Variants in DCC observed in about 807,000 individuals in gnomAD.
The protein encoded by DCC is netrin receptor DCC.
In DCC, 58 loss-of-function variants were observed where a neutral mutation model predicts 172.5. The observed-to-expected ratio is 0.34, with a 90% CI of 0.27 to 0.42. The LOEUF is 0.42. DCC is among the 10% of genes least tolerant of loss of function. The pLI is 1.00. For missense variants in DCC, 1,740 were observed against 1,791.0 expected, an observed-to-expected ratio of 0.97 and a Z score of 0.51; for synonymous variants, 709 against 644.5, an observed-to-expected ratio of 1.10 and a Z score of -1.52.
At chr18:53,477,579 C>A (rs1050618769) in intron 25 of DCC, among the ~76,000 whole-genome samples, 2 of 152,060 alleles carry the variant, frequency 1.3e-5, no homozygotes, top group Non-Finnish European at 1.5e-5. Flanking sequence ...AATCATTATT[C>A]CTATAAGATT....
At chr18:52,393,457 A>G (rs1986104303) in intron 1 of DCC, among the ~76,000 whole-genome samples, 1 of 152,062 alleles carries the variant, frequency 6.6e-6, no homozygotes, top group African/African-American at 2.4e-5. Context: ...CTAGCAATCC[A>G]TATTTTAATC....
Position 53,295,538 on chromosome 18 carries a change from T to C in DCC, c.1912-10040T>C, listed in dbSNP as rs371438899. On this transcript the variant is annotated intron_variant, in intron 12 of 28. Coordinates refer to ENST00000442544, the MANE Select transcript of DCC (RefSeq NM_005215.4). The stretch of plus-strand genomic sequence containing the variant: ...GATCTATAGAAATATTTACCAAGTA[T>C]TTAGATAGATACTGTAAGTTAAACA... Among the ~76,000 whole-genome samples, 7 of 137,886 alleles carry C rather than the reference T, an allele frequency of 5.1e-5. No homozygotes were observed. The East Asian group carries it at 1.4e-3, about 27-fold the overall frequency. The allele number at this position is 137,886 out of a possible 152,430, so 90.5% of individuals were successfully genotyped here. A position where few individuals can be genotyped will look rare whatever the true frequency, so the allele number is the denominator to read the frequency against.
chr18:52,488,236 T>TA (rs2030328209), intron 1 of DCC, among the ~76,000 whole-genome samples: 1 of 152,184 alleles, frequency 6.6e-6, no homozygotes, highest in South Asian at 2.1e-4. Flanking sequence ...TTTCTTAAAA[T>TA]GCTCCAATAG....
chr18:52,540,395 C>T (rs113926198), intron 1 of DCC, among the ~76,000 whole-genome samples: 6 of 151,974 alleles, frequency 3.9e-5, no homozygotes, highest in African/African-American at 1.5e-4. Context: ...TCACTGTACT[C>T]TAGCCCCAGT....
Position 52,826,064 on chromosome 18 carries a change from T to C in DCC, c.412+73690T>C, listed in dbSNP as rs544365515. On this transcript the variant is annotated intron_variant, in intron 2 of 28. Transcript: ENST00000442544. ...AGAGCACTTGAATAATAAAATGTGT[T>C]GGTTATAGCCCCATTTTTCTTCATG... Among the ~76,000 whole-genome samples the C allele has an allele frequency of 2.0e-5, 3 of 152,354 alleles. No individual in the cohort carries two copies. In the South Asian group the frequency reaches 6.2e-4, roughly 32 times the overall value.
intron 1 of DCC, among the ~76,000 whole-genome samples, chr18:52,367,389 C>A (rs1438185925): frequency 6.6e-6 from 1 of 152,218 alleles, no homozygotes; most frequent in Admixed American, 6.5e-5. Flanking sequence ...TCAAATGCCG[C>A]CAAAGTGGGA....
intron 1 of DCC, among the ~76,000 whole-genome samples, chr18:52,411,043 G>A (rs988498707): frequency 2.6e-5 from 4 of 152,064 alleles, no homozygotes; most frequent in South Asian, 2.1e-4. Context: ...AGTTTACTTC[G>A]GAATTCATAT....
intron 14 of DCC, among the ~76,000 whole-genome samples, chr18:53,324,412 G>A (rs2057444664): frequency 6.6e-6 from 1 of 152,090 alleles, no homozygotes; most frequent in South Asian, 2.1e-4. Context: ...ATACACCCAA[G>A]GAGTATAAGT....
chr18:52,434,169 T>C (rs941541429), intron 1 of DCC, among the ~76,000 whole-genome samples: 1 of 152,242 alleles, frequency 6.6e-6, no homozygotes, highest in African/African-American at 2.4e-5. Context: ...CTGTAATCCT[T>C]GGATTTACCT....
At chr18:52,956,641 T>C (rs1238290393) in intron 5 of DCC, among the ~76,000 whole-genome samples, 2 of 152,136 alleles carry the variant, frequency 1.3e-5, no homozygotes, top group Non-Finnish European at 2.9e-5. Context: ...AGTAACTTAC[T>C]GAAATTTTGA....
At chr18:52,927,178 T>TGTATATAC (rs1428264806) in intron 5 of DCC, among the ~76,000 whole-genome samples, 2 of 127,022 alleles carry the variant, frequency 1.6e-5, no homozygotes, top group African/African-American at 5.5e-5. Context: ...TGTATATATG[T>TGTATATAC]GTATATATAC....
At chr18:52,459,560 C>T (rs377615207) in intron 1 of DCC, among the ~76,000 whole-genome samples, 12 of 152,038 alleles carry the variant, frequency 7.9e-5, no homozygotes, top group South Asian at 4.2e-4. Flanking sequence ...CTCTGCCTCC[C>T]GGGTTCATGC....
chr18:53,242,181 C>T (rs1455969968), intron 12 of DCC, among the ~76,000 whole-genome samples: 1 of 152,128 alleles, frequency 6.6e-6, no homozygotes, highest in Non-Finnish European at 1.5e-5. Context: ...AGGGAAACTA[C>T]AGCAGCTGCA....
At position 53,525,338 on chromosome 18, in the gene DCC, C is replaced by T. The variant is rs186762059; in HGVS notation, c.4112-1279C>T. The stretch of plus-strand genomic sequence containing the variant: ...AATATTATTTCCACTCTGAAGAAAA[C>T]GATTCATGTTTCATTTCGCTTCTCA... On this transcript the variant is annotated intron_variant, in intron 27 of 28. Transcript: ENST00000442544. Among the ~76,000 whole-genome samples the T allele has an allele frequency of 2.0e-3, 309 of 152,094 alleles. 1 individual carries two copies. The highest frequency in any genetic ancestry group is 3.6e-3 in the Non-Finnish European group (246 of 67,964).
At position 53,416,340 on chromosome 18, in the gene DCC, AT is replaced by A. The variant is rs762777992; in HGVS notation, c.3163+185del. 4.3e-6 allele frequency: 3 copies of A among 701,402 alleles called. No homozygotes were observed. The South Asian group carries it at 4.5e-5, about 11-fold the overall frequency. 43.4% of individuals were successfully genotyped at this position (701,402 alleles called of 1,614,324 possible). A position where few individuals can be genotyped will look rare whatever the true frequency, so the allele number is the denominator to read the frequency against. On this transcript the variant is annotated intron_variant, in intron 21 of 28. Transcript: ENST00000442544. The stretch of plus-strand genomic sequence containing the variant: ...TGAGGCTGCGGCTCTGATAAGGAAG[AT>A]GTAAATTTTCTTGAGAGGAAATTGT...
intron 3 of DCC, among the ~76,000 whole-genome samples, chr18:52,916,669 T>C (rs1477685824): frequency 6.6e-6 from 1 of 152,142 alleles, no homozygotes; most frequent in Non-Finnish European, 1.5e-5. Context: ...GTGCTAGATT[T>C]CACATTACAA....
At chr18:53,105,300 C>T (rs1284952092) in intron 7 of DCC, among the ~76,000 whole-genome samples, 6 of 151,916 alleles carry the variant, frequency 3.9e-5, no homozygotes, top group Admixed American at 3.9e-4. Context: ...CTGAAAGTGG[C>T]AGACTACTCT....
intron 3 of DCC, among the ~76,000 whole-genome samples, chr18:52,914,370 A>G (rs879573196): frequency 4.6e-5 from 7 of 152,140 alleles, no homozygotes; most frequent in Non-Finnish European, 8.8e-5. Context: ...AAATAGCAAT[A>G]TGTATGTGTA....
Position 52,367,740 on chromosome 18 carries a change from G to C in DCC, c.91+26862G>C, listed in dbSNP as rs146016922. Among the ~76,000 whole-genome samples, 51 of 152,330 alleles carry C rather than the reference G, an allele frequency of 3.3e-4. 1 individual carries two copies. Among genetic ancestry groups the C allele is most frequent in the African/African-American group, 9.9e-4 (41 of 41,566 alleles). On this transcript the variant is annotated intron_variant, in intron 1 of 28. Coordinates refer to ENST00000442544, the MANE Select transcript of DCC (RefSeq NM_005215.4). ...CCTCTAACAACTTTGATGGGGTGCA[G>C]AGAATCTGAAGCAGTCCTTTGAATG...
Sources: gnomAD v4.1 joint callset for allele counts (sites outside exome capture counted in the v4.1 genomes callset) on GRCh38, gnomAD v4.1.1 for gene constraint, MANE v1.5 for transcripts, NCBI Gene and HGNC (gene_info 2026-07-23, HGNC 2026-07-21) for gene names.